The following PLA2R1 variants were observed in gnomAD, a reference collection of about 807,000 sequenced individuals.
The protein encoded by PLA2R1 is phospholipase A2 receptor 1.
A neutral mutation model predicts 195.9 loss-of-function variants in PLA2R1; 158 were observed. The ratio of observed to expected loss-of-function variants is 0.81; its 90% CI spans 0.71 to 0.92. The LOEUF is 0.92. Among genes scored for constraint, PLA2R1 ranks in the 40% least tolerant of loss-of-function variants. The probability of loss-of-function intolerance (pLI) is 0.00; values close to 1 mark genes in which losing one functional copy is unlikely to be tolerated. For synonymous variants in PLA2R1, 586 were observed against 598.2 expected (o/e 0.98, Z 0.30); for missense variants, 1,626 against 1,764.6 (o/e 0.92, Z 1.41).
chr2:160,022,103 A>T (rs1693168873), intron 7 of PLA2R1, among the ~76,000 whole-genome samples: 1 of 152,224 alleles, frequency 6.6e-6, no homozygotes, highest in African/African-American at 2.4e-5. Context: ...AAATGAAATA[A>T]ATAATTTCAG....
At chr2:159,928,536 T>C (rs1686531071), downstream of PLA2R1, among the ~76,000 whole-genome samples, 1 of 152,216 alleles carries the variant, frequency 6.6e-6, no homozygotes, top group African/African-American at 2.4e-5. Context: ...ACACATACCA[T>C]GTTCATGGAT....
chr2:160,057,968 C>T (rs1057075882), intron 1 of PLA2R1, among the ~76,000 whole-genome samples: 1 of 152,172 alleles, frequency 6.6e-6, no homozygotes, highest in Non-Finnish European at 1.5e-5. Flanking sequence ...ACTTCAGCTT[C>T]CTGCCCGTTG....
intron 24 of PLA2R1, 131 bp downstream of exon 24, chr2:159,951,205 CAATT>C: frequency 1.6e-6 from 1 of 626,360 alleles, no homozygotes; most frequent in Non-Finnish European, 2.8e-6. Context: ...TTGCATAAAC[CAATT>C]ATTTAAGTGT....
At chr2:160,054,251 C>T (rs1363394120) in intron 1 of PLA2R1, among the ~76,000 whole-genome samples, 1 of 152,200 alleles carries the variant, frequency 6.6e-6, no homozygotes, top group East Asian at 1.9e-4. Context: ...GCCTGAGCAA[C>T]ATAGCAAGAC....
intron 9 of PLA2R1, among the ~76,000 whole-genome samples, chr2:160,015,041 G>T (rs750573532): frequency 2.6e-5 from 4 of 152,108 alleles, no homozygotes; most frequent in Non-Finnish European, 2.9e-5. Context: ...AGAAAAGGGA[G>T]GGAAAAAAAG....
At chr2:160,003,435 C>A (rs1296342471) in intron 11 of PLA2R1, among the ~76,000 whole-genome samples, 2 of 151,594 alleles carry the variant, frequency 1.3e-5, no homozygotes, top group Non-Finnish European at 2.9e-5. Context: ...ATGAAATTTC[C>A]ACTAAGTAAT....
At chr2:160,000,429 G>C (rs544467681) in intron 11 of PLA2R1, among the ~76,000 whole-genome samples, 266 of 152,326 alleles carry the variant, frequency 1.7e-3, no homozygotes, top group Non-Finnish European at 2.5e-3. Context: ...GCAGTCCTTA[G>C]TTGGTAGTGC....
intron 17 of PLA2R1, among the ~76,000 whole-genome samples, chr2:159,973,518 C>A (rs915896896): frequency 2.6e-5 from 4 of 151,702 alleles, no homozygotes; most frequent in Non-Finnish European, 4.4e-5. Context: ...TAAAAGGGGA[C>A]CTTGGAGAGC....
At chr2:160,009,780 C>T (rs926811313) in intron 10 of PLA2R1, among the ~76,000 whole-genome samples, 4 of 151,974 alleles carry the variant, frequency 2.6e-5, no homozygotes, top group South Asian at 2.1e-4. Context: ...TGCAGGAAAA[C>T]GGTAGAGCTG....
At chr2:160,018,319 T>A (rs1032977866) in intron 8 of PLA2R1, among the ~76,000 whole-genome samples, 1 of 152,106 alleles carries the variant, frequency 6.6e-6, no homozygotes, top group African/African-American at 2.4e-5. Context: ...TCAAAACTAA[T>A]GAACCAATAA....
chr2:159,955,263 A>G lies in PLA2R1; in HGVS notation c.3237T>C (p.Thr1079=), dbSNP rs1449079805. The G allele has an allele frequency of 2.7e-5, 44 of 1,609,242 alleles. No individual in the cohort carries two copies. Among genetic ancestry groups the G allele is most frequent in the Non-Finnish European group, 3.7e-5 (44 of 1,175,980 alleles). The change falls in exon 23 of 30, where the codon ACT becomes ACC. Residue 1079 remains threonine, a synonymous_variant. Coordinates refer to ENST00000283243, the MANE Select transcript of PLA2R1 (RefSeq NM_007366.5). ...CACAGTCTTCAAAATACCATTTTCC[A>G]GTGAAATGAAAATTAGGATTACTTG... ...LLSSNPNFHF[T]GKWYFEDCGK...
chr2:160,018,099 C>T (rs975113933), intron 8 of PLA2R1, among the ~76,000 whole-genome samples: 4 of 152,110 alleles, frequency 2.6e-5, no homozygotes, highest in Admixed American at 2.0e-4. Flanking sequence ...AATTTTTACA[C>T]ATCTACTATT....
intron 10 of PLA2R1, among the ~76,000 whole-genome samples, chr2:160,006,144 G>A (rs964629627): frequency 6.6e-6 from 1 of 152,128 alleles, no homozygotes; most frequent in African/African-American, 2.4e-5. Context: ...CTTGGAGTAC[G>A]ATGTGGCCTA....
chr2:159,976,549 C>A (rs1474702084), intron 16 of PLA2R1, 136 bp downstream of exon 16: 3 of 634,530 alleles, frequency 4.7e-6, no homozygotes. Flanking sequence ...TTAATTTGAA[C>A]AAATTAGCTC....
At position 160,044,881 on chromosome 2, in the gene PLA2R1, G is replaced by A. The variant is rs140862370; in HGVS notation, c.386C>T (p.Ser129Phe). 2 of 1,614,058 alleles carry A rather than the reference G, an allele frequency of 1.2e-6. No homozygotes were observed. Among genetic ancestry groups the A allele is most frequent in the African/African-American group, 2.7e-5 (2 of 74,942 alleles). ...TGTGTTGTCATGCGCCACCTGGACA[G>A]AGTACTGCAGCGGGCCTGTGATCAT... is the stretch of plus-strand genomic sequence containing the variant. ...RKMITGPLQY[S>F]VQVAHDNTVV... The change falls in exon 2 of 30, where the codon TCT becomes TTT. Residue 129 changes from serine to phenylalanine, a missense_variant. By Grantham distance (155) the Ser-to-Phe change is radical. Transcript: ENST00000283243.
chr2:160,030,513 G>T (rs1292566727), intron 4 of PLA2R1, among the ~76,000 whole-genome samples: 2 of 152,096 alleles, frequency 1.3e-5, no homozygotes, highest in African/African-American at 4.8e-5. Context: ...TCTTATCTTA[G>T]AATTTTTTTG....
intron 13 of PLA2R1, 92 bp from the exon 14 acceptor site, chr2:159,980,006 A>G: frequency 1.0e-5 from 7 of 671,336 alleles, no homozygotes; most frequent in Non-Finnish European, 1.1e-5. Context: ...GCACATGTAT[A>G]CACATGTAAC....
At chr2:159,987,803 A>G (rs1690458527) in intron 11 of PLA2R1, among the ~76,000 whole-genome samples, 1 of 152,228 alleles carries the variant, frequency 6.6e-6, no homozygotes, top group African/African-American at 2.4e-5. Context: ...CACAAAGTAT[A>G]CAACAGAAAA....
chr2:160,061,840 G>A (rs142906112), intron 1 of PLA2R1, among the ~76,000 whole-genome samples: 3,073 of 152,266 alleles, frequency 0.02, 39 homozygotes, highest in South Asian at 0.077. Context: ...CTGGCTTGGG[G>A]GTCACTCCTA....
Sources: gnomAD v4.1 joint callset for allele counts (sites outside exome capture counted in the v4.1 genomes callset) on GRCh38, gnomAD v4.1.1 for gene constraint, MANE v1.5 for transcripts, NCBI Gene and HGNC (gene_info 2026-07-23, HGNC 2026-07-21) for gene names.